CUX2: variants seen among roughly 807,000 people sequenced by gnomAD.
The protein encoded by CUX2 is homeobox protein cut-like 2.
Under a neutral mutation model 144.8 loss-of-function variants are expected in CUX2, and 40 were observed. That is an observed-to-expected ratio of 0.28 (90% CI 0.21 to 0.36). The LOEUF (loss-of-function observed/expected upper bound fraction) is 0.36, where lower values mean the gene tolerates loss of function less well. Among genes scored for constraint, CUX2 ranks in the 10% least tolerant of loss-of-function variants. The pLI is 1.00. For missense variants in CUX2, 1,615 were observed against 1,994.0 expected, an observed-to-expected ratio of 0.81 and a Z score of 3.62; for synonymous variants, 827 against 875.6, an observed-to-expected ratio of 0.94 and a Z score of 0.98.
intron 1 of CUX2, among the ~76,000 whole-genome samples, chr12:111,188,901 G>C (rs1159148822): frequency 6.6e-6 from 1 of 152,172 alleles, no homozygotes; most frequent in Non-Finnish European, 1.5e-5. Context: ...TGGCCGTAGA[G>C]ACAGCAAGAT....
In CUX2 at chr12:111,320,555, C is replaced by T. The variant is rs1486606771; in HGVS notation, c.2546C>T (p.Thr849Met). Residue 849 changes from threonine (T) to methionine (M), a missense_variant, in exon 17 of 22, where the codon ACG (threonine) becomes ATG (methionine). Transcript: ENST00000261726. The surrounding 1 kb of genome is among the most constrained non-coding windows in gnomAD (Gnocchi z 8.1). ...GGGGCGGAGGACGAACCCCCCAGGA[C>T]GGGCGAGCTCAAGGCTGAGGGCGCG... Reference protein sequence around the residue: ...AAGAEDEPPRTGELKAEGATA... With the variant: ...AAGAEDEPPRMGELKAEGATA... 11 of 1,535,914 alleles carry T rather than the reference C, an allele frequency of 7.2e-6. No homozygotes were observed. Among genetic ancestry groups the T allele is most frequent in the Non-Finnish European group, 8.7e-6 (10 of 1,149,308 alleles).
rs1245012882 is a variant in CUX2, at chr12:111,034,808, T to C, written c.63+568T>C. Among the ~76,000 whole-genome samples the C allele has an allele frequency of 6.7e-6, 1 of 149,332 alleles. No homozygotes were observed. The highest frequency in any genetic ancestry group is 2.4e-5 in the African/African-American group (1 of 41,092). On this transcript the variant is annotated intron_variant, in intron 1 of 21. Transcript: ENST00000261726. This position sits in a 1 kb window ranked among gnomAD's most constrained non-coding sequence, Gnocchi z 4.2. ...CCGCGCCCCGCCGCTCGCCGGCACC[T>C]CAGCCTTCGCCGCCCGCCTGGCTGC... is the stretch of plus-strand genomic sequence containing the variant.
At position 111,039,019 on chromosome 12, in the gene CUX2, C is replaced by T. The variant is rs1215023819; in HGVS notation, c.63+4779C>T. Among the ~76,000 whole-genome samples the T allele has an allele frequency of 6.6e-6, 1 of 151,900 alleles. No individual in the cohort carries two copies. The highest frequency in any genetic ancestry group is 6.6e-5 in the Admixed American group (1 of 15,260). Reference sequence around the variant, plus strand: ...TCTATCTTCGAACTTGACATTCTGTCATGGTAACCTTTCTTCCGGCAGATG... The same window carrying T: ...TCTATCTTCGAACTTGACATTCTGTTATGGTAACCTTTCTTCCGGCAGATG... On this transcript the variant is annotated intron_variant, in intron 1 of 21. Transcript: ENST00000261726. The surrounding 1 kb of genome is among the most constrained non-coding windows in gnomAD (Gnocchi z 4.2).
intron 18 of CUX2, among the ~76,000 whole-genome samples, chr12:111,333,217 G>T (rs1472751215): frequency 1.3e-5 from 2 of 151,606 alleles, no homozygotes; most frequent in Non-Finnish European, 2.9e-5. Context: ...TGAAACTCTT[G>T]TCTCAAAAAA....
At chr12:111,280,288 CAAAT>C (rs913058559) in intron 4 of CUX2, among the ~76,000 whole-genome samples, 11 of 151,996 alleles carry the variant, frequency 7.2e-5, no homozygotes, top group African/African-American at 1.7e-4. Context: ...GACTCTGTCT[CAAAT>C]AAATAAATAA....
intron 1 of CUX2, among the ~76,000 whole-genome samples, chr12:111,193,701 C>T (rs747351326): frequency 6.6e-6 from 1 of 152,152 alleles, no homozygotes; most frequent in Non-Finnish European, 1.5e-5. Context: ...CGGGGGCTGC[C>T]GGCTGGGCCT....
rs754748519 is a variant in CUX2 at position 111,322,416 on chromosome 12, C to T, written c.2767-5C>T. On this transcript the variant is annotated splice_region_variant and splice_polypyrimidine_tract_variant and intron_variant, in intron 17 of 21. Coordinates refer to ENST00000261726, the MANE Select transcript of CUX2 (RefSeq NM_015267.4). The surrounding 1 kb of genome is among the most constrained non-coding windows in gnomAD (Gnocchi z 4.2). Reference sequence around the variant, plus strand: ...TGACCTACCCCCCTGGCCCGCCCCTCGCAGGTGCTGGGCCTGTCACAGGGC... The same window carrying T: ...TGACCTACCCCCCTGGCCCGCCCCTTGCAGGTGCTGGGCCTGTCACAGGGC... 1.0e-5 allele frequency: 16 copies of T among 1,553,636 alleles called. No individual in the cohort carries two copies. The highest frequency in any genetic ancestry group is 1.4e-5 in the Non-Finnish European group (16 of 1,149,576).
rs931196101 is a variant in CUX2 at position 111,277,914 on chromosome 12, A to G, written c.302-13504A>G. On this transcript the variant is annotated intron_variant, in intron 4 of 21. Coordinates refer to ENST00000261726, the MANE Select transcript of CUX2 (RefSeq NM_015267.4). The surrounding 1 kb of genome is among the most constrained non-coding windows in gnomAD (Gnocchi z 5.0). ...GGTCTCACTGGGCAACAATCAAAGC[A>G]TTCGCAGGGCCGGGTTGTTTCTGAA... Among the ~76,000 whole-genome samples the G allele has an allele frequency of 6.6e-6, 1 of 152,306 alleles. No homozygotes were observed. Among genetic ancestry groups the G allele is most frequent in the East Asian group, 1.9e-4 (1 of 5,190 alleles).
intron 1 of CUX2, among the ~76,000 whole-genome samples, chr12:111,050,686 T>C (rs1870221193): frequency 1.3e-5 from 2 of 152,062 alleles, no homozygotes; most frequent in African/African-American, 4.8e-5. Flanking sequence ...CCTACCTCCA[T>C]CTCCACCATC....
intron 1 of CUX2, among the ~76,000 whole-genome samples, chr12:111,197,976 T>C (rs1048278797): frequency 6.6e-6 from 1 of 152,220 alleles, no homozygotes; most frequent in African/African-American, 2.4e-5. Context: ...CCTGCTACCC[T>C]CACTTCTTTC....
chr12:111,214,943 T>C (rs925765321), intron 2 of CUX2, among the ~76,000 whole-genome samples: 8 of 152,142 alleles, frequency 5.3e-5, no homozygotes, highest in African/African-American at 1.9e-4. Flanking sequence ...TGAATTCTTT[T>C]CCATCCTCTC....
chr12:111,161,789 C>T (rs1877786361), intron 1 of CUX2, among the ~76,000 whole-genome samples: 1 of 152,176 alleles, frequency 6.6e-6, no homozygotes, highest in Non-Finnish European at 1.5e-5. Context: ...GGCTGGAGTG[C>T]AGTGGCACGA....
At chr12:111,228,493 G>A (rs747603236) in intron 3 of CUX2, among the ~76,000 whole-genome samples, 6 of 151,996 alleles carry the variant, frequency 3.9e-5, no homozygotes, top group Admixed American at 6.6e-5. Context: ...TTGCAATCTC[G>A]GCTCACTGCA....
At position 111,193,297 on chromosome 12, in the gene CUX2, G is replaced by A. The variant is rs927391370; in HGVS notation, c.64-20903G>A. 3.3e-5 allele frequency among the ~76,000 whole-genome samples: 5 copies of A among 152,170 alleles called. 1 individual carries two copies. The South Asian group carries it at 6.2e-4, about 19-fold the overall frequency. ...CCTCTGACCTGGCACAAGCATCCCC[G>A]GCACAGCCGGCGGCTGACTGTTCTG... On this transcript the variant is annotated intron_variant, in intron 1 of 21. Transcript: ENST00000261726.
chr12:111,296,591 GGCCTCCTCCTTCTGACCCTCCAGTACTT>G lies in CUX2; in HGVS notation c.704+62_704+89del, dbSNP rs1470991779. On this transcript the variant is annotated intron_variant, in intron 8 of 21. Transcript: ENST00000261726. ...TCCTCCCTTGGAGGCCTCCCAGACAGGCCTCCTCCTTCTGACCCTCCAGTACTTGCCTCCTCCCTCTGACCCTCCCAGA... is the reference window on the plus strand; with the variant it reads ...TCCTCCCTTGGAGGCCTCCCAGACAGGCCTCCTCCCTCTGACCCTCCCAGA... 1.6e-4 allele frequency: 247 copies of G among 1,535,742 alleles called. 2 individuals are homozygous for G. In the East Asian group the frequency reaches 5.8e-3, roughly 36 times the overall value.
intron 16 of CUX2, among the ~76,000 whole-genome samples, chr12:111,317,027 G>A (rs1887232217): frequency 6.6e-6 from 1 of 152,128 alleles, no homozygotes; most frequent in African/African-American, 2.4e-5. Flanking sequence ...CCCCATGTTT[G>A]TAAGGCTTAT....
chr12:111,184,865 C>A (rs1879420079), intron 1 of CUX2, among the ~76,000 whole-genome samples: 1 of 152,142 alleles, frequency 6.6e-6, no homozygotes, highest in Non-Finnish European at 1.5e-5. Flanking sequence ...AGATCGAGAT[C>A]ATCCCGGCTA....
At chr12:111,259,820 G>T (rs1350627510) in intron 3 of CUX2, among the ~76,000 whole-genome samples, 1 of 148,108 alleles carries the variant, frequency 6.8e-6, no homozygotes, top group African/African-American at 2.5e-5. Flanking sequence ...AAGAAATTAA[G>T]AAGTGGGTGA....
In CUX2 at chr12:111,183,951, A is replaced by G. The variant is rs114417739; in HGVS notation, c.64-30249A>G. On this transcript the variant is annotated intron_variant, in intron 1 of 21. Coordinates refer to ENST00000261726, the MANE Select transcript of CUX2 (RefSeq NM_015267.4). ...GGGTGGCTGGCACCCATTGCTACCTATTGTCACCTATTGCCACCCTCTTCT... is the reference window on the plus strand; with the variant it reads ...GGGTGGCTGGCACCCATTGCTACCTGTTGTCACCTATTGCCACCCTCTTCT... Among the ~76,000 whole-genome samples the G allele has an allele frequency of 4.6e-3, 701 of 152,206 alleles. 3 individuals are homozygous for G. The highest frequency in any genetic ancestry group is 0.016 in the African/African-American group (679 of 41,510).
Sources: gnomAD v4.1 joint callset for allele counts (sites outside exome capture counted in the v4.1 genomes callset) on GRCh38, gnomAD v4.1.1 for gene constraint, Gnocchi (gnomAD v3.1) non-coding constraint, MANE v1.5 for transcripts, NCBI Gene and HGNC (gene_info 2026-07-23, HGNC 2026-07-21) for gene names.